OR2L13: variants seen among roughly 807,000 people sequenced by gnomAD.
The protein encoded by OR2L13 is olfactory receptor family 2 subfamily L member 13.
In OR2L13, 14 loss-of-function variants were observed where a neutral mutation model predicts 15.3. That is an observed-to-expected ratio of 0.91 (90% CI 0.60 to 1.43). The LOEUF is 1.43. Among genes scored for constraint, OR2L13 ranks in the 40% most tolerant of loss-of-function variants. OR2L13 has a pLI of 0.00. For synonymous variants in OR2L13, 152 were observed against 142.9 expected (o/e 1.06, Z -0.45); for missense variants, 367 against 387.9 (o/e 0.95, Z 0.45).
rs764215410 is a variant in OR2L13, at chr1:248,099,689, C to T, written c.314C>T (p.Thr105Ile). The T allele has an allele frequency of 2.5e-6, 4 of 1,614,168 alleles. No homozygotes were observed. In the South Asian group the frequency reaches 4.4e-5, roughly 18 times the overall value. Reference sequence around the variant, plus strand: ...GGTGTGCAAAGCTTCTTCTTCCTGACCATGGCGTGTTCTGAAGGCTTACTC... The same window carrying T: ...GGTGTGCAAAGCTTCTTCTTCCTGATCATGGCGTGTTCTGAAGGCTTACTC... Residue 105 changes from threonine to isoleucine, a missense_variant, in exon 3 of 3, where the codon ACC (threonine) becomes ATC (isoleucine). Physicochemically the swap from Thr to Ile is moderately conservative, Grantham distance 89. Transcript: ENST00000641714.
the OR2L13 span, among the ~76,000 whole-genome samples, chr1:248,057,940 T>C: frequency 6.6e-6 from 1 of 152,214 alleles, no homozygotes; most frequent in African/African-American, 2.4e-5. Flanking sequence ...TTCTTTCTTT[T>C]GAAATAAGAT....
chr1:248,097,756 T>A (rs1664768844), intron 1 of OR2L13, among the ~76,000 whole-genome samples: 1 of 152,220 alleles, frequency 6.6e-6, no homozygotes, highest in Admixed American at 6.5e-5. Context: ...GGCAGCTTTC[T>A]TCCCCTGGAT....
the OR2L13 span, among the ~76,000 whole-genome samples, chr1:248,077,378 C>T: frequency 6.6e-6 from 1 of 152,082 alleles, no homozygotes. Flanking sequence ...GGGAGGATTC[C>T]CTCTTTTTCT....
At chr1:248,074,796 A>C in the OR2L13 span, among the ~76,000 whole-genome samples, 1 of 152,190 alleles carries the variant, frequency 6.6e-6, no homozygotes, top group Non-Finnish European at 1.5e-5. Flanking sequence ...CATTTAACAA[A>C]ACTGCACACG....
At chr1:248,096,299 C>T (rs993190838), upstream of OR2L13, among the ~76,000 whole-genome samples, 8 of 151,560 alleles carry the variant, frequency 5.3e-5, no homozygotes, top group Non-Finnish European at 7.4e-5. Context: ...AGGAGAAGGG[C>T]GTGAACCCGG....
At chr1:248,079,861 T>C in the OR2L13 span, among the ~76,000 whole-genome samples, 3 of 152,276 alleles carry the variant, frequency 2.0e-5, no homozygotes, top group East Asian at 3.9e-4. Flanking sequence ...AAATAAAAGA[T>C]TGATGAATTT....
intron 1 of OR2L13, among the ~76,000 whole-genome samples, chr1:248,097,527 T>A (rs1300533593): frequency 6.6e-6 from 1 of 152,208 alleles, no homozygotes; most frequent in Non-Finnish European, 1.5e-5. Flanking sequence ...ACTATTCTCT[T>A]CCATTGCCTA....
the OR2L13 span, among the ~76,000 whole-genome samples, chr1:248,014,019 C>T: frequency 6.6e-6 from 1 of 152,024 alleles, no homozygotes; most frequent in African/African-American, 2.4e-5. Flanking sequence ...CTTTTTTGGG[C>T]TCAAGTGAAA....
At chr1:248,010,763 G>GTTTTTTTT in the OR2L13 span, among the ~76,000 whole-genome samples, 201 of 44,462 alleles carry the variant, frequency 4.5e-3, 5 homozygotes, top group African/African-American at 6.3e-3. Context: ...CTTTGTTGTT[G>GTTTTTTTT]TTTTTTTTTT....
chr1:248,059,954 T>C, the OR2L13 span, among the ~76,000 whole-genome samples: 1 of 151,988 alleles, frequency 6.6e-6, no homozygotes, highest in Non-Finnish European at 1.5e-5. Flanking sequence ...GCAGGTGGAT[T>C]GCTTGAGCCA....
the OR2L13 span, among the ~76,000 whole-genome samples, chr1:247,950,255 G>T: frequency 0.79 from 120,625 of 151,780 alleles, 52,304 homozygotes; most frequent in South Asian, 0.95. Flanking sequence ...TAACGTACCA[G>T]TTACTCTTTC....
chr1:248,083,700 A>C, the OR2L13 span: 2 of 1,610,146 alleles, frequency 1.2e-6, no homozygotes, highest in Non-Finnish European at 1.7e-6. Flanking sequence ...CCACCGTTTC[A>C]GGGCTTCCTT....
At chr1:248,008,243 A>G in the OR2L13 span, among the ~76,000 whole-genome samples, 4 of 152,104 alleles carry the variant, frequency 2.6e-5, no homozygotes, top group African/African-American at 9.7e-5. Flanking sequence ...TTACACCCCC[A>G]TATACCTCCT....
At chr1:248,032,330 TACATATTATCTCATGTATTAA>T in the OR2L13 span, among the ~76,000 whole-genome samples, 1 of 152,170 alleles carries the variant, frequency 6.6e-6, no homozygotes, top group Non-Finnish European at 1.5e-5. Flanking sequence ...CATGAGATAA[TACATATTATCTCATGTATTAA>T]ATATACATAA....
At chr1:248,085,244 A>G in the OR2L13 span, among the ~76,000 whole-genome samples, 9 of 151,624 alleles carry the variant, frequency 5.9e-5, no homozygotes, top group Non-Finnish European at 1.3e-4. Context: ...CCTCAGACTC[A>G]TTTTATTAAT....
At chr1:248,011,536 A>G in the OR2L13 span, among the ~76,000 whole-genome samples, 1 of 152,070 alleles carries the variant, frequency 6.6e-6, no homozygotes, top group Non-Finnish European at 1.5e-5. Context: ...TAATATCCTG[A>G]AATGTGTTTT....
chr1:247,957,848 C>T, the OR2L13 span, among the ~76,000 whole-genome samples: 121,445 of 152,048 alleles, frequency 0.8, 52,671 homozygotes, highest in South Asian at 0.95. Flanking sequence ...TCTTTATTAT[C>T]CTTGCTAGTG....
the OR2L13 span, among the ~76,000 whole-genome samples, chr1:248,071,327 C>A: frequency 2.6e-5 from 4 of 151,508 alleles, no homozygotes; most frequent in African/African-American, 9.7e-5. Context: ...TCAATATATG[C>A]AAATCAATAA....
chr1:248,021,600 A>C, the OR2L13 span, among the ~76,000 whole-genome samples: 1 of 152,178 alleles, frequency 6.6e-6, no homozygotes, highest in Non-Finnish European at 1.5e-5. Context: ...TTGTCTTCCC[A>C]TGAAGCATTT....
Sources: gnomAD v4.1 joint callset for allele counts (sites outside exome capture counted in the v4.1 genomes callset) on GRCh38, gnomAD v4.1.1 for gene constraint, MANE v1.5 for transcripts, NCBI Gene and HGNC (gene_info 2026-07-23, HGNC 2026-07-21) for gene names.